Variants in FBXO39 observed in about 807,000 individuals in gnomAD.
FBXO39 encodes the protein F-box only protein 39.
In FBXO39, 22 loss-of-function variants were observed where a neutral mutation model predicts 36.6. The observed-to-expected ratio is 0.60, with a 90% CI of 0.43 to 0.86. The LOEUF (loss-of-function observed/expected upper bound fraction) is 0.86. Among genes scored for constraint, FBXO39 ranks in the 40% least tolerant of loss-of-function variants. The pLI, the probability that FBXO39 is intolerant of heterozygous loss-of-function variation, is 0.00. For missense variants in FBXO39, 536 were observed against 543.9 expected (o/e 0.99, Z 0.14); for synonymous variants, 206 against 205.8 (o/e 1.00, Z -0.01).
At position 6,780,799 on chromosome 17, in the gene FBXO39, A is replaced by G. The variant is rs757022078; in HGVS notation, c.931A>G (p.Ile311Val). 7.4e-6 allele frequency: 12 copies of G among 1,614,030 alleles called. No individual in the cohort carries two copies. The highest frequency in any genetic ancestry group is 5.0e-5 in the Admixed American group (3 of 59,996). The change falls in exon 2 of 4, where the codon ATC becomes GTC. Residue 311 changes from isoleucine to valine, a missense_variant. Physicochemically the swap from Ile to Val is conservative, Grantham distance 29. Transcript: ENST00000321535. ...CTTGCAGGAGATCCCGATCAGGAGC[A>G]TCAGTCTGAGAAGCTGCTATTTCAG... The part of the protein sequence containing the change: ...ILLQEIPIRS[I>V]SLRSCYFSDP...
chr17:6,782,413 G>T (rs911774691), intron 2 of FBXO39, among the ~76,000 whole-genome samples: 1 of 152,078 alleles, frequency 6.6e-6, no homozygotes, highest in Non-Finnish European at 1.5e-5. Flanking sequence ...AATGTCCCGA[G>T]TAAGTCCCTA....
chr17:6,787,035 T>A (rs28407857), intron 3 of FBXO39, 79 bp downstream of exon 3: 330,208 of 1,474,720 alleles, frequency 0.22, 41,306 homozygotes, highest in East Asian at 0.61. Flanking sequence ...AACGAAGGGC[T>A]GAATAAGGCA....
rs1567671063 is a variant in FBXO39, at chr17:6,780,689, C to T, written c.821C>T (p.Ala274Val). The T allele has an allele frequency of 1.2e-6, 2 of 1,614,028 alleles. No individual in the cohort carries two copies. Among genetic ancestry groups the T allele is most frequent in the East Asian group, 2.2e-5 (1 of 44,886 alleles). ...HGQVIWGMSW[A>V]KLARQATNLK... is the part of the protein sequence containing the mutation. Reference sequence around the variant, plus strand: ...CAGGTCATCTGGGGTATGTCCTGGGCCAAGCTGGCCAGGCAGGCCACCAAT... The same window carrying T: ...CAGGTCATCTGGGGTATGTCCTGGGTCAAGCTGGCCAGGCAGGCCACCAAT... Residue 274 changes from alanine (A) to valine (V), a missense_variant, in exon 2 of 4, where the codon GCC (alanine) becomes GTC (valine). Physicochemically the swap from Ala to Val is moderately conservative, Grantham distance 64 (BLOSUM62 0). Transcript: ENST00000321535.
At position 6,780,372 on chromosome 17, in the gene FBXO39, C is replaced by T; in HGVS notation, c.504C>T (p.Asn168=). The T allele has an allele frequency of 1.2e-6, 2 of 1,614,080 alleles. No individual in the cohort carries two copies. Residue 168 remains asparagine (N), a synonymous_variant, in exon 2 of 4, where the codon AAC becomes AAT. Coordinates refer to ENST00000321535, the MANE Select transcript of FBXO39 (RefSeq NM_153230.3). ...KKMGKRLDYL[N]LKGARLTVEQ... is the part of the protein sequence containing the mutation. ...TGGGCAAACGCCTGGATTATCTCAA[C>T]CTAAAAGGGGCCAGGCTGACCGTGG...
chr17:6,780,489 C>A lies in FBXO39; in HGVS notation c.621C>A (p.His207Gln). 1 of 1,614,142 alleles carries A rather than the reference C, an allele frequency of 6.2e-7. No individual in the cohort carries two copies. The highest frequency in any genetic ancestry group is 8.5e-7 in the Non-Finnish European group (1 of 1,180,038). The change falls in exon 2 of 4, where the codon CAC becomes CAA. Residue 207 changes from histidine (H) to glutamine (Q), a missense_variant. Coordinates refer to ENST00000321535, the MANE Select transcript of FBXO39 (RefSeq NM_153230.3). ...ELNIEDYFSHHLAVYNSPQFK... is the reference protein window; with the variant it reads ...ELNIEDYFSHQLAVYNSPQFK... ...ACATCGAGGACTATTTCAGCCATCA[C>A]CTTGCTGTCTACAACAGCCCCCAGT...
chr17:6,787,595 G>A lies in FBXO39; in HGVS notation c.*167G>A. Reference sequence around the variant, plus strand: ...GACCAGCTCAGCAAAGGCTGAGACTGCCCATGACCTGAAGGCTCCAGGTGG... The same window carrying A: ...GACCAGCTCAGCAAAGGCTGAGACTACCCATGACCTGAAGGCTCCAGGTGG... On this transcript the variant is annotated 3_prime_UTR_variant, in exon 4 of 4. Coordinates refer to ENST00000321535, the MANE Select transcript of FBXO39 (RefSeq NM_153230.3). 1 of 671,592 alleles carries A rather than the reference G, an allele frequency of 1.5e-6. No homozygotes were observed. Among genetic ancestry groups the A allele is most frequent in the South Asian group, 2.0e-5 (1 of 49,978 alleles). The allele number at this position is 671,592 out of a possible 1,614,324, so 41.6% of individuals were successfully genotyped here.
chr17:6,783,523 A>G (rs1597776283), intron 2 of FBXO39, among the ~76,000 whole-genome samples: 1 of 152,164 alleles, frequency 6.6e-6, no homozygotes, highest in East Asian at 1.9e-4. Context: ...ATAAGAAAAA[A>G]TGAGAGAAGA....
At chr17:6,777,263 C>T (rs1045092195) in intron 1 of FBXO39, among the ~76,000 whole-genome samples, 8 of 151,958 alleles carry the variant, frequency 5.3e-5, no homozygotes, top group Admixed American at 2.6e-4. Flanking sequence ...TCCCCTTGCC[C>T]GCCACCCCCC....
Position 6,780,258 on chromosome 17 carries a change from C to T in FBXO39, c.390C>T (p.Ser130=). Residue 130 remains serine (S), a synonymous_variant, in exon 2 of 4, where the codon TCC becomes TCT. Coordinates refer to ENST00000321535, the MANE Select transcript of FBXO39 (RefSeq NM_153230.3). ...GCAACAACCGTCTGAAATCTCTTTC[C>T]ATCCAATACCTGGAGCTGGACCGCC... The part of the protein sequence containing the change: ...SKSNNRLKSL[S]IQYLELDRLV... 6.2e-7 allele frequency: 1 copy of T among 1,614,114 alleles called. No individual in the cohort carries two copies. The highest frequency in any genetic ancestry group is 8.5e-7 in the Non-Finnish European group (1 of 1,179,976).
intron 2 of FBXO39, among the ~76,000 whole-genome samples, chr17:6,784,089 G>C (rs926051904): frequency 7.9e-5 from 12 of 152,170 alleles, no homozygotes; most frequent in Admixed American, 1.3e-4. Flanking sequence ...TTTATCCCAG[G>C]GATGCAAGAA....
rs765151090 is a variant in FBXO39 at position 6,786,787 on chromosome 17, C to T, written c.1031C>T (p.Thr344Ile). The change falls in exon 3 of 4, where the codon ACT becomes ATT. Residue 344 changes from threonine (T) to isoleucine (I), a missense_variant. By Grantham distance (89) the Thr-to-Ile change is moderately conservative. Coordinates refer to ENST00000321535, the MANE Select transcript of FBXO39 (RefSeq NM_153230.3). ...CTTTTGGTGCTCTTCCAGAAATTAA[C>T]TTGTGAATTCAACAACAACCATGAG... ...PTFRHTLQKLTCEFNNNHESL... is the reference protein window; with the variant it reads ...PTFRHTLQKLICEFNNNHESL... 3 of 1,602,970 alleles carry T rather than the reference C, an allele frequency of 1.9e-6. No homozygotes were observed. The highest frequency in any genetic ancestry group is 2.6e-6 in the Non-Finnish European group (3 of 1,174,882).
rs375015434 is a variant in FBXO39 at position 6,780,345 on chromosome 17, G to T, written c.477G>T (p.Lys159Asn). The part of the protein sequence containing the change: ...FISSLSFFLK[K>N]MGKRLDYLNL... ...GCAGCTTGAGCTTCTTCTTAAAGAAGATGGGCAAACGCCTGGATTATCTCA... is the reference window on the plus strand; with the variant it reads ...GCAGCTTGAGCTTCTTCTTAAAGAATATGGGCAAACGCCTGGATTATCTCA... Residue 159 changes from lysine to asparagine, a missense_variant, in exon 2 of 4, where the codon AAG becomes AAT. Lys to Asn is a moderately conservative substitution (Grantham distance 94, BLOSUM62 0). Coordinates refer to ENST00000321535, the MANE Select transcript of FBXO39 (RefSeq NM_153230.3). The T allele has an allele frequency of 8.7e-6, 14 of 1,614,134 alleles. No individual in the cohort carries two copies. The African/African-American group carries it at 1.6e-4, about 18-fold the overall frequency.
At chr17:6,778,958 G>T (rs1976467565) in intron 1 of FBXO39, among the ~76,000 whole-genome samples, 1 of 152,114 alleles carries the variant, frequency 6.6e-6, no homozygotes, top group Non-Finnish European at 1.5e-5. Context: ...TGTCCCCCAG[G>T]AGTGTCCTTT....
intron 1 of FBXO39, among the ~76,000 whole-genome samples, 192 bp downstream of exon 1, chr17:6,776,464 G>A (rs1032273571): frequency 3.9e-5 from 6 of 152,106 alleles, no homozygotes; most frequent in Non-Finnish European, 5.9e-5. Flanking sequence ...CCCTCCCGCG[G>A]TGGGTAGGAC....
At position 6,780,213 on chromosome 17, in the gene FBXO39, C is replaced by T. The variant is rs772988820; in HGVS notation, c.345C>T (p.Leu115=). The T allele has an allele frequency of 1.2e-6, 2 of 1,614,190 alleles. No homozygotes were observed. Among genetic ancestry groups the T allele is most frequent in the East Asian group, 4.5e-5 (2 of 44,886 alleles). The change falls in exon 2 of 4, where the codon CTC becomes CTT. Residue 115 remains leucine (L), a synonymous_variant. Coordinates refer to ENST00000321535, the MANE Select transcript of FBXO39 (RefSeq NM_153230.3). ...TKKFQVTMRG[L]LSCLSKSNNR... ...AGTTCCAGGTCACCATGCGGGGCCT[C>T]CTGTCTTGTCTGAGTAAGAGCAACA... is the stretch of plus-strand genomic sequence containing the variant.
At chr17:6,782,222 T>C (rs1198824559) in intron 2 of FBXO39, among the ~76,000 whole-genome samples, 1 of 152,170 alleles carries the variant, frequency 6.6e-6, no homozygotes, top group Non-Finnish European at 1.5e-5. Context: ...TTTAAAATAA[T>C]GAGTTACAAG....
Position 6,779,989 on chromosome 17 carries a change from C to G in FBXO39, c.121C>G (p.Leu41Val). ...LGDRDRSRAALVCRKWNQMMY... is the reference protein window; with the variant it reads ...LGDRDRSRAAVVCRKWNQMMY... ...AGACAGGGACAGGTCCAGGGCTGCT[C>G]TTGTCTGCAGAAAGTGGAACCAGAT... Residue 41 changes from leucine (L) to valine (V), a missense_variant, in exon 2 of 4, where the codon CTT (leucine) becomes GTT (valine). Coordinates refer to ENST00000321535, the MANE Select transcript of FBXO39 (RefSeq NM_153230.3). The G allele has an allele frequency of 5.0e-6, 8 of 1,614,214 alleles. No individual in the cohort carries two copies. Among genetic ancestry groups the G allele is most frequent in the Non-Finnish European group, 6.8e-6 (8 of 1,180,034 alleles).
chr17:6,786,873 A>C lies in FBXO39; in HGVS notation c.1117A>C (p.Ile373Leu), dbSNP rs764547416. 1.2e-5 allele frequency: 20 copies of C among 1,614,094 alleles called. No homozygotes were observed. The highest frequency in any genetic ancestry group is 7.7e-5 in the South Asian group (7 of 91,078). The change falls in exon 3 of 4, where the codon ATC becomes CTC. Residue 373 changes from isoleucine (I) to leucine (L), a missense_variant. Transcript: ENST00000321535. The part of the protein sequence containing the change: ...ISCRKLFYFK[I>L]WAFLDVSFVE... ...CTGCAGGAAGTTGTTTTACTTCAAA[A>C]TCTGGGCTTTCCTTGATGTTAGTTT...
chr17:6,786,799 A>T lies in FBXO39; in HGVS notation c.1043A>T (p.Asn348Ile), dbSNP rs370487511. The T allele has an allele frequency of 1.2e-6, 2 of 1,607,900 alleles. No homozygotes were observed. Among genetic ancestry groups the T allele is most frequent in the East Asian group, 2.2e-5 (1 of 44,834 alleles). ...TTCCAGAAATTAACTTGTGAATTCA[A>T]CAACAACCATGAGTCACTCGACGAG... is the stretch of plus-strand genomic sequence containing the variant. Reference protein sequence around the residue: ...HTLQKLTCEFNNNHESLDEEL... With the variant: ...HTLQKLTCEFINNHESLDEEL... The change falls in exon 3 of 4, where the codon AAC (asparagine) becomes ATC (isoleucine). Residue 348 changes from asparagine (N) to isoleucine (I), a missense_variant. Transcript: ENST00000321535.
Sources: allele counts gnomAD v4.1 joint callset (sites outside exome capture counted in the v4.1 genomes callset), GRCh38; gene constraint gnomAD v4.1.1; transcripts MANE v1.5; gene names NCBI Gene and HGNC (gene_info 2026-07-23, HGNC 2026-07-21).